Variants in ZBTB1 observed in about 807,000 individuals in gnomAD.
ZBTB1 encodes zinc finger and BTB domain-containing protein 1.
In ZBTB1, 13 loss-of-function variants were observed where a neutral mutation model predicts 51.6. The observed-to-expected ratio is 0.25, with a 90% confidence interval of 0.16 to 0.40. ZBTB1 has a LOEUF of 0.40. ZBTB1 is among the 10% of genes least tolerant of loss of function. ZBTB1 has a pLI of 1.00. For synonymous variants in ZBTB1, 240 were observed against 282.2 expected (o/e 0.85, Z 1.50); for missense variants, 567 against 856.5 (o/e 0.66, Z 4.22).
chr14:64,512,480 T>G (rs926786995), intron 1 of ZBTB1, among the ~76,000 whole-genome samples: 2 of 152,254 alleles, frequency 1.3e-5, no homozygotes, highest in African/African-American at 4.8e-5. Flanking sequence ...CAAGTAATAC[T>G]ACTGCACTGT....
Position 64,523,810 on chromosome 14 carries a change from A to C in ZBTB1, c.*164A>C, listed in dbSNP as rs2079882102. ...TTTAGGATTTTAAGTATCTACATTT[A>C]GGTATTAAATGTTTATCATTTTTGT... On this transcript the variant is annotated 3_prime_UTR_variant, in exon 2 of 2. Coordinates refer to ENST00000683701, the MANE Select transcript of ZBTB1 (RefSeq NM_001123329.2). The surrounding 1 kb of genome is among the most constrained non-coding windows in gnomAD (Gnocchi z 4.5). The C allele has an allele frequency of 7.5e-7, 1 of 1,327,760 alleles. No individual in the cohort carries two copies. The highest frequency in any genetic ancestry group is 2.8e-5 in the East Asian group (1 of 36,136). 82.2% of individuals were successfully genotyped at this position (1,327,760 alleles called of 1,614,324 possible).
chr14:64,505,199 T>G (rs1006200539), intron 1 of ZBTB1: 4 of 314,128 alleles, frequency 1.3e-5, no homozygotes, highest in Non-Finnish European at 1.7e-5. Flanking sequence ...AGTTCCCAAA[T>G]TAGTTACCTT....
chr14:64,504,252 A>C, upstream of ZBTB1, among the ~76,000 whole-genome samples: 1 of 123,774 alleles, frequency 8.1e-6, no homozygotes, highest in Non-Finnish European at 1.7e-5. Context: ...GGCCCACGGA[A>C]GGTGGGGTCG....
intron 1 of ZBTB1, among the ~76,000 whole-genome samples, chr14:64,514,808 A>G (rs2079763936): frequency 6.6e-6 from 1 of 152,168 alleles, no homozygotes; most frequent in South Asian, 2.1e-4. Flanking sequence ...CATACTGTAT[A>G]GTACCAAGGA....
intron 1 of ZBTB1, among the ~76,000 whole-genome samples, chr14:64,509,290 A>G (rs770689397): frequency 2.6e-5 from 4 of 152,134 alleles, no homozygotes; most frequent in Non-Finnish European, 5.9e-5. Context: ...GGAACGCTTG[A>G]GCCTGGAAGG....
At chr14:64,507,563 A>G (rs1470058769) in intron 1 of ZBTB1, among the ~76,000 whole-genome samples, 2 of 152,150 alleles carry the variant, frequency 1.3e-5, no homozygotes, top group Non-Finnish European at 1.5e-5. Flanking sequence ...CTGCCTGGGG[A>G]TGGCCTGTGG....
chr14:64,522,747 C>A lies in ZBTB1; in HGVS notation c.1243C>A (p.Gln415Lys), dbSNP rs772534822. Residue 415 changes from glutamine (Q) to lysine (K), a missense_variant, in exon 2 of 2, where the codon CAA (glutamine) becomes AAA (lysine). By Grantham distance (53) the Gln-to-Lys change is moderately conservative. Coordinates refer to ENST00000683701, the MANE Select transcript of ZBTB1 (RefSeq NM_001123329.2). ...GCCCCCTAACAACAGCAGTCCAGTA[C>A]AAGAGGATGCTGAAAATGCATCTTG... ...MRPPNNSSPV[Q>K]EDAENASCEL... The A allele has an allele frequency of 6.2e-7, 1 of 1,614,166 alleles. No homozygotes were observed. Among genetic ancestry groups the A allele is most frequent in the Admixed American group, 1.7e-5 (1 of 60,036 alleles).
downstream of ZBTB1, among the ~76,000 whole-genome samples, chr14:64,528,344 C>CTTTTTTTTTT (rs71123857): frequency 1.7e-5 from 2 of 115,536 alleles, no homozygotes; most frequent in Non-Finnish European, 3.5e-5. Context: ...TTTTTCTTTT[C>CTTTTTTTTTT]TTTTTTTTTT....
At chr14:64,515,436 A>G (rs1244765367) in intron 1 of ZBTB1, among the ~76,000 whole-genome samples, 1 of 152,200 alleles carries the variant, frequency 6.6e-6, no homozygotes, top group Non-Finnish European at 1.5e-5. Context: ...CAGCATTAAT[A>G]AAGAGGTCAA....
In ZBTB1 at chr14:64,513,482, A is replaced by G. The variant is rs190380188; in HGVS notation, c.-18-8005A>G. 2.0e-5 allele frequency among the ~76,000 whole-genome samples: 3 copies of G among 152,158 alleles called. No homozygotes were observed. In the East Asian group the frequency reaches 5.8e-4, roughly 29 times the overall value. ...GCCAAGCTGCTGTGTACCCTCCTCA[A>G]TTATTTACATACACATCTATATAAA... is the stretch of plus-strand genomic sequence containing the variant. On this transcript the variant is annotated intron_variant, in intron 1 of 1. Coordinates refer to ENST00000683701, the MANE Select transcript of ZBTB1 (RefSeq NM_001123329.2).
At chr14:64,505,051 G>T in intron 1 of ZBTB1, 105 bp downstream of exon 1, 1 of 374,904 alleles carries the variant, frequency 2.7e-6, no homozygotes. Context: ...GCGCCGATCC[G>T]TGCGGGGAGC....
chr14:64,521,797 A>G lies in ZBTB1; in HGVS notation c.293A>G (p.Lys98Arg). The G allele has an allele frequency of 6.2e-7, 1 of 1,611,524 alleles. No individual in the cohort carries two copies. Among genetic ancestry groups the G allele is most frequent in the Non-Finnish European group, 8.5e-7 (1 of 1,180,026 alleles). ...MTAPSSFEQF[K>R]VAMNYLQLYN... ...GCTCCCTCCAGTTTTGAGCAGTTTA[A>G]AGTGGCAATGAACTACCTACAGCTA... Residue 98 changes from lysine to arginine, a missense_variant, in exon 2 of 2, where the codon AAA becomes AGA. Lys to Arg is a conservative substitution (Grantham distance 26). This residue lies in a region of ZBTB1 where 69 missense variants were observed against 136.4 expected (regional missense o/e 0.51). Transcript: ENST00000683701.
At chr14:64,518,185 C>T (rs1051691413) in intron 1 of ZBTB1, among the ~76,000 whole-genome samples, 1 of 151,912 alleles carries the variant, frequency 6.6e-6, no homozygotes, top group Non-Finnish European at 1.5e-5. Context: ...AATTCTGGGG[C>T]GTAGATTTAC....
At chr14:64,510,069 A>G (rs1455292755) in intron 1 of ZBTB1, among the ~76,000 whole-genome samples, 1 of 152,210 alleles carries the variant, frequency 6.6e-6, no homozygotes, top group East Asian at 1.9e-4. Flanking sequence ...CCAGTTATTC[A>G]TTCAGTAACA....
At chr14:64,525,201 T>C (rs937386402), downstream of ZBTB1, among the ~76,000 whole-genome samples, 1 of 152,172 alleles carries the variant, frequency 6.6e-6, no homozygotes, top group African/African-American at 2.4e-5. Flanking sequence ...GAGCACCATG[T>C]GAGCTCAGAT....
At position 64,504,935 on chromosome 14, in the gene ZBTB1, C is replaced by T. The variant is rs777081131; in HGVS notation, c.-30C>T. ...CCTAAAATCTCCGCAGCTCTGGTTC[C>T]TGTTGCGGCCGGTAAGTATTTGCCA... On this transcript the variant is annotated 5_prime_UTR_variant, in exon 1 of 2. Transcript: ENST00000683701. 72 of 395,620 alleles carry T rather than the reference C, an allele frequency of 1.8e-4. No homozygotes were observed. The highest frequency in any genetic ancestry group is 1.2e-3 in the Admixed American group (26 of 22,576). 24.5% of individuals were successfully genotyped at this position (395,620 alleles called of 1,614,324 possible). A position where few individuals can be genotyped will look rare whatever the true frequency, so the allele number is the denominator to read the frequency against.
At chr14:64,511,822 T>C (rs116520770) in intron 1 of ZBTB1, among the ~76,000 whole-genome samples, 13 of 152,236 alleles carry the variant, frequency 8.5e-5, no homozygotes, top group African/African-American at 2.9e-4. Flanking sequence ...CCCTTGCAAA[T>C]TTGAACAACT....
At position 64,518,904 on chromosome 14, in the gene ZBTB1, G is replaced by GTGTA. The variant is rs71444662; in HGVS notation, c.-18-2582_-18-2581insGTAT. On this transcript the variant is annotated intron_variant, in intron 1 of 1. Transcript: ENST00000683701. ...AATGAAGAAAACTAGTTGCAGAGAG[G>GTGTA]TATATATATATATATATATATATAT... 2.5e-4 allele frequency among the ~76,000 whole-genome samples: 24 copies of GTGTA among 95,128 alleles called. 1 individual carries two copies. Among genetic ancestry groups the GTGTA allele is most frequent in the African/African-American group, 7.1e-4 (16 of 22,472 alleles). 62.4% of individuals were successfully genotyped at this position (95,128 alleles called of 152,430 possible).
At chr14:64,513,748 G>C (rs1027994840) in intron 1 of ZBTB1, among the ~76,000 whole-genome samples, 2 of 152,130 alleles carry the variant, frequency 1.3e-5, no homozygotes, top group Non-Finnish European at 2.9e-5. Flanking sequence ...TGCAACCTCT[G>C]CCTCCAGGTT....
Sources: allele counts gnomAD v4.1 joint callset (sites outside exome capture counted in the v4.1 genomes callset), GRCh38; gene constraint gnomAD v4.1.1; regional missense constraint gnomAD v4.1.1; non-coding constraint Gnocchi (gnomAD v3.1); transcripts MANE v1.5; gene names NCBI Gene and HGNC (gene_info 2026-07-23, HGNC 2026-07-21).